ZNF10: variants seen among roughly 807,000 people sequenced by gnomAD.
ZNF10 encodes the protein zinc finger protein 10.
ZNF10 carries 8 observed loss-of-function variants against 12.2 expected under a neutral mutation model. That is an observed-to-expected ratio of 0.66 (90% CI 0.39 to 1.18). The LOEUF is 1.18. Among genes scored for constraint, ZNF10 ranks in the 50% most tolerant of loss-of-function variants. ZNF10 has a pLI of 0.01. For synonymous variants in ZNF10, 229 were observed against 228.2 expected (o/e 1.00, Z -0.03); for missense variants, 603 against 678.9 (o/e 0.89, Z 1.24).
Position 133,156,131 on chromosome 12 carries a change from T to C in ZNF10, c.885T>C (p.Cys295=), listed in dbSNP as rs1285130208. The C allele has an allele frequency of 6.2e-7, 1 of 1,613,568 alleles. No homozygotes were observed. Among genetic ancestry groups the C allele is most frequent in the South Asian group, 1.1e-5 (1 of 91,072 alleles). The change falls in exon 5 of 5, where the codon TGT becomes TGC. Residue 295 remains cysteine, a synonymous_variant. Coordinates refer to ENST00000248211, the MANE Select transcript of ZNF10 (RefSeq NM_015394.5). ...ATACTGGAGAAAAACCCTATGAGTG[T>C]AAAGAATGTGGAAAGTCTTTCAGCC... The part of the protein sequence containing the change: ...LIHTGEKPYE[C]KECGKSFSRS...
intron 1 of ZNF10, among the ~76,000 whole-genome samples, chr12:133,135,744 A>G (rs1285380374): frequency 6.6e-6 from 1 of 152,164 alleles, no homozygotes; most frequent in Non-Finnish European, 1.5e-5. Flanking sequence ...CCTGTTGTTG[A>G]TTGCACACAT....
chr12:133,156,343 G>A lies in ZNF10; in HGVS notation c.1097G>A (p.Arg366Lys). The A allele has an allele frequency of 6.2e-7, 1 of 1,614,084 alleles. No individual in the cohort carries two copies. Among genetic ancestry groups the A allele is most frequent in the Non-Finnish European group, 8.5e-7 (1 of 1,180,018 alleles). ...KSFVHSSRLIRHQRTHTGEKP... is the reference protein window; with the variant it reads ...KSFVHSSRLIKHQRTHTGEKP... The stretch of plus-strand genomic sequence containing the variant: ...TTTGTTCATAGCTCTAGGCTTATTA[G>A]ACACCAGAGGACACATACTGGAGAG... Residue 366 changes from arginine (R) to lysine (K), a missense_variant, in exon 5 of 5, where the codon AGA (arginine) becomes AAA (lysine). Physicochemically the swap from Arg to Lys is conservative, Grantham distance 26. Transcript: ENST00000248211.
Position 133,142,031 on chromosome 12 carries a change from A to G in ZNF10, c.-59-2403A>G, listed in dbSNP as rs1955947365. Among the ~76,000 whole-genome samples the G allele has an allele frequency of 2.0e-5, 3 of 152,198 alleles. No homozygotes were observed. The South Asian group carries it at 6.2e-4, about 31-fold the overall frequency. ...CTAAGAAGAGTGGAACTATATCTAC[A>G]AAGTACTGAAAGAAAAAAATAACTG... On this transcript the variant is annotated intron_variant, in intron 1 of 4. Transcript: ENST00000248211.
chr12:133,133,475 C>G (rs1955892290), intron 1 of ZNF10, among the ~76,000 whole-genome samples: 1 of 152,152 alleles, frequency 6.6e-6, no homozygotes, highest in Admixed American at 6.5e-5. Flanking sequence ...TGTCCTAATT[C>G]TTAAGTGGTT....
chr12:133,133,470 T>C (rs950188873), intron 1 of ZNF10, among the ~76,000 whole-genome samples: 37 of 152,218 alleles, frequency 2.4e-4, no homozygotes, highest in African/African-American at 8.9e-4. Context: ...GAGATTGTCC[T>C]AATTCTTAAG....
chr12:133,147,395 G>A (rs1314962186), intron 2 of ZNF10, among the ~76,000 whole-genome samples: 3 of 152,104 alleles, frequency 2.0e-5, no homozygotes, highest in Admixed American at 6.6e-5. Flanking sequence ...CAGTTATTCC[G>A]CATCCTCACC....
intron 1 of ZNF10, among the ~76,000 whole-genome samples, chr12:133,134,376 A>G (rs921208743): frequency 1.8e-4 from 27 of 152,108 alleles, no homozygotes; most frequent in African/African-American, 6.0e-4. Flanking sequence ...CATGAAAGAA[A>G]GGCACAGAGA....
chr12:133,142,176 A>G (rs970739221), intron 1 of ZNF10, among the ~76,000 whole-genome samples: 2 of 152,210 alleles, frequency 1.3e-5, no homozygotes, highest in Non-Finnish European at 2.9e-5. Flanking sequence ...TAATCCCAGC[A>G]CTTTGGGAGG....
intron 4 of ZNF10, among the ~76,000 whole-genome samples, chr12:133,152,747 A>T (rs928232043): frequency 9.2e-5 from 14 of 152,128 alleles, no homozygotes; most frequent in African/African-American, 2.9e-4. Context: ...TGTTTTAAAA[A>T]TTTATTTATA....
At chr12:133,151,677 C>T (rs945112464) in intron 3 of ZNF10, 132 bp from the exon 4 acceptor site, 1 of 526,222 alleles carries the variant, frequency 1.9e-6, no homozygotes, top group African/African-American at 1.9e-5. Flanking sequence ...AGTTTTCCTG[C>T]CTCTGTCAAC....
rs184277297 is a variant in ZNF10, at chr12:133,148,215, C to T, written c.34-2813C>T. 1.4e-4 allele frequency among the ~76,000 whole-genome samples: 22 copies of T among 151,984 alleles called. No homozygotes were observed. In the East Asian group the frequency reaches 4.1e-3, roughly 28 times the overall value. On this transcript the variant is annotated intron_variant, in intron 2 of 4. Transcript: ENST00000248211. ...GGCTCACTGCAACCTCTGCCTCCAG[C>T]GTCGAAGCGATTCTCATGCCTCAGC...
intron 4 of ZNF10, among the ~76,000 whole-genome samples, chr12:133,152,715 C>A (rs1956016355): frequency 6.6e-6 from 1 of 152,166 alleles, no homozygotes. Flanking sequence ...CATGCCCAGC[C>A]TCTATCTAGT....
Position 133,159,014 on chromosome 12 carries a change from G to A in ZNF10, c.*2046G>A, listed in dbSNP as rs940123002. On this transcript the variant is annotated 3_prime_UTR_variant, in exon 5 of 5. Transcript: ENST00000248211. ...GGGAGTAGAATAGTCACTTAACTGG[G>A]GCTCTTAACATTGCTAATAACCTGT... The A allele has an allele frequency of 2.6e-5, 4 of 152,114 alleles. No homozygotes were observed. Among genetic ancestry groups the A allele is most frequent in the African/African-American group, 9.7e-5 (4 of 41,404 alleles). 9.4% of individuals were successfully genotyped at this position (152,114 alleles called of 1,614,324 possible). A position where few individuals can be genotyped will look rare whatever the true frequency, so the allele number is the denominator to read the frequency against.
At chr12:133,147,687 A>G (rs1438704982) in intron 2 of ZNF10, among the ~76,000 whole-genome samples, 2 of 144,808 alleles carry the variant, frequency 1.4e-5, no homozygotes, top group African/African-American at 2.6e-5. Context: ...ATATCAGCTC[A>G]CTGCAACGTT....
At chr12:133,150,631 T>C (rs75243679) in intron 2 of ZNF10, among the ~76,000 whole-genome samples, 2,492 of 152,220 alleles carry the variant, frequency 0.016, 50 homozygotes, top group African/African-American at 0.056. Context: ...TATTTTAGGT[T>C]ATAAAACATG....
chr12:133,142,752 T>C (rs1955953646), intron 1 of ZNF10, among the ~76,000 whole-genome samples: 1 of 152,188 alleles, frequency 6.6e-6, no homozygotes, highest in South Asian at 2.1e-4. Flanking sequence ...CTGGTGTGAA[T>C]GTAAAAATGA....
Position 133,155,559 on chromosome 12 carries a change from G to C in ZNF10, c.313G>C (p.Asp105His). 17 of 1,603,280 alleles carry C rather than the reference G, an allele frequency of 1.1e-5. No homozygotes were observed. Among genetic ancestry groups the C allele is most frequent in the Non-Finnish European group, 1.4e-5 (16 of 1,177,222 alleles). ...AGTTTCCAGCAGGAGCATTTTTAAA[G>C]ATAAGCAATCCTGTGACATTAAAAT... is the stretch of plus-strand genomic sequence containing the variant. ...SSVSSRSIFK[D>H]KQSCDIKMEG... The change falls in exon 5 of 5, where the codon GAT becomes CAT. Residue 105 changes from aspartate (D) to histidine (H), a missense_variant. This residue lies in a region of ZNF10 where 393 missense variants were observed against 399.7 expected (regional missense o/e 0.98). Transcript: ENST00000248211.
At chr12:133,135,677 GGTTCTCC>G (rs2135457073) in intron 1 of ZNF10, among the ~76,000 whole-genome samples, 1 of 152,242 alleles carries the variant, frequency 6.6e-6, no homozygotes, top group South Asian at 2.1e-4. Context: ...TCTTCTTGGA[GGTTCTCC>G]TCAAATCTGT....
intron 1 of ZNF10, among the ~76,000 whole-genome samples, chr12:133,133,295 C>G (rs1231283793): frequency 6.6e-6 from 1 of 152,198 alleles, no homozygotes; most frequent in Non-Finnish European, 1.5e-5. Context: ...TGAAGAGACC[C>G]TGTTCTCTTT....
Sources: gnomAD v4.1 joint callset for allele counts (sites outside exome capture counted in the v4.1 genomes callset) on GRCh38, gnomAD v4.1.1 for gene constraint, gnomAD v4.1.1 regional missense constraint, MANE v1.5 for transcripts, NCBI Gene and HGNC (gene_info 2026-07-23, HGNC 2026-07-21) for gene names.